MRTFA: variants seen among roughly 807,000 people sequenced by gnomAD.
MRTFA encodes myocardin-related transcription factor A.
MRTFA carries 20 observed loss-of-function variants against 83.5 expected under a neutral mutation model. The observed-to-expected ratio is 0.24, with a 90% CI of 0.17 to 0.35. MRTFA has a LOEUF of 0.35. Among genes scored for constraint, MRTFA ranks in the 10% least tolerant of loss-of-function variants. The pLI is 1.00. For missense variants in MRTFA, 1,200 were observed against 1,224.7 expected, an observed-to-expected ratio of 0.98 and a Z score of 0.30; for synonymous variants, 659 against 541.2, an observed-to-expected ratio of 1.22 and a Z score of -3.02.
intron 3 of MRTFA, among the ~76,000 whole-genome samples, chr22:40,474,272 G>A (rs1418987997): frequency 6.6e-6 from 1 of 152,072 alleles, no homozygotes; most frequent in Non-Finnish European, 1.5e-5. Context: ...TTCAAGTTGT[G>A]ATCAATATTT....
At chr22:40,469,947 G>A (rs1240130177) in intron 3 of MRTFA, among the ~76,000 whole-genome samples, 1 of 151,740 alleles carries the variant, frequency 6.6e-6, no homozygotes, top group Non-Finnish European at 1.5e-5. Context: ...TATATGGCTG[G>A]GCACAGTGGC....
At chr22:40,561,251 G>A (rs901781859) in intron 2 of MRTFA, among the ~76,000 whole-genome samples, 1 of 151,322 alleles carries the variant, frequency 6.6e-6, no homozygotes, top group African/African-American at 2.4e-5. Context: ...CTGGTATGAA[G>A]GAATTCAAAT....
chr22:40,419,973 G>C (rs145119251), intron 11 of MRTFA, among the ~76,000 whole-genome samples: 1 of 152,322 alleles, frequency 6.6e-6, no homozygotes, highest in Non-Finnish European at 1.5e-5. Flanking sequence ...GGAAAATGCG[G>C]GCAGGGTTGC....
chr22:40,517,267 T>C (rs1374397674), intron 3 of MRTFA, among the ~76,000 whole-genome samples: 5 of 152,210 alleles, frequency 3.3e-5, no homozygotes, highest in Admixed American at 2.6e-4. Flanking sequence ...GGAGGTTTTT[T>C]TGTTTTTTAC....
intron 2 of MRTFA, among the ~76,000 whole-genome samples, chr22:40,562,520 G>A (rs1386813573): frequency 1.6e-5 from 2 of 127,932 alleles, no homozygotes; most frequent in Non-Finnish European, 3.3e-5. Context: ...CAGCAGAAAA[G>A]AAAGAAAGAA....
chr22:40,582,585 A>C (rs967162216), intron 2 of MRTFA, among the ~76,000 whole-genome samples: 2 of 151,932 alleles, frequency 1.3e-5, no homozygotes, highest in Admixed American at 1.3e-4. Context: ...ATTTGCTCTT[A>C]TTCATAGTCT....
chr22:40,479,207 C>CT (rs1015185239), intron 3 of MRTFA, among the ~76,000 whole-genome samples: 2 of 152,148 alleles, frequency 1.3e-5, no homozygotes, highest in Non-Finnish European at 2.9e-5. Flanking sequence ...TCCACCTTCC[C>CT]TTCTCTGCCA....
chr22:40,596,611 G>A (rs1014665814), intron 1 of MRTFA, among the ~76,000 whole-genome samples: 6 of 152,158 alleles, frequency 3.9e-5, no homozygotes, highest in Non-Finnish European at 8.8e-5. Context: ...AGAACAGCCT[G>A]GCCAACATGG....
intron 14 of MRTFA, among the ~76,000 whole-genome samples, chr22:40,413,550 G>C (rs1048721846): frequency 5.3e-5 from 8 of 152,002 alleles, no homozygotes; most frequent in Non-Finnish European, 1.2e-4. Context: ...CTCGTGATCC[G>C]CCTGCCTTGG....
rs371073304 is a variant in MRTFA at position 40,463,128 on chromosome 22, T to C, written c.307+93A>G. The C allele has an allele frequency of 2.8e-5, 30 of 1,089,422 alleles. No homozygotes were observed. In the African/African-American group the frequency reaches 4.5e-4, roughly 16 times the overall value. 67.5% of individuals were successfully genotyped at this position (1,089,422 alleles called of 1,614,324 possible). On this transcript the variant is annotated intron_variant, in intron 4 of 14. Transcript: ENST00000355630. ...AGTGGAAAATAAAACGCATCATCCT[T>C]GTTTTATGTTAGATGCTTCCCATGG...
intron 1 of MRTFA, among the ~76,000 whole-genome samples, chr22:40,607,397 G>A (rs973602092): frequency 2.0e-5 from 3 of 152,016 alleles, no homozygotes; most frequent in Admixed American, 6.6e-5. Context: ...CCAGCTACAC[G>A]GGAGGCTGAG....
intron 3 of MRTFA, among the ~76,000 whole-genome samples, chr22:40,532,784 G>A (rs2147278426): frequency 6.6e-6 from 1 of 152,320 alleles, no homozygotes; most frequent in South Asian, 2.1e-4. Flanking sequence ...TTGAGTGAAA[G>A]CCAGTGGATG....
Position 40,418,813 on chromosome 22 carries a change from C to A in MRTFA, c.1925G>T (p.Arg642Leu), listed in dbSNP as rs770900337. ...CCGCTCCACCAGCTGCTGCTTCTGCCGGAGCATGCGCGTCAGCGCCTCGAT... is the reference window on the plus strand; with the variant it reads ...CCGCTCCACCAGCTGCTGCTTCTGCAGGAGCATGCGCGTCAGCGCCTCGAT... Residue 642 changes from arginine (R) to leucine (L), a missense_variant, in exon 12 of 15, where the codon CGG becomes CTG. By Grantham distance (102) the Arg-to-Leu change is moderately radical. This residue lies in a region of MRTFA where 1,107 missense variants were observed against 1,041.8 expected (regional missense o/e 1.06). Transcript: ENST00000355630. The A allele has an allele frequency of 6.2e-7, 1 of 1,608,766 alleles. No individual in the cohort carries two copies. Among genetic ancestry groups the A allele is most frequent in the African/African-American group, 1.3e-5 (1 of 74,860 alleles).
At chr22:40,495,586 CTA>C (rs1251478195) in intron 3 of MRTFA, among the ~76,000 whole-genome samples, 2 of 149,152 alleles carry the variant, frequency 1.3e-5, no homozygotes, top group African/African-American at 5.0e-5. Context: ...TGGTGTAACA[CTA>C]TCTCTACTAA....
intron 3 of MRTFA, among the ~76,000 whole-genome samples, chr22:40,508,539 A>AAC (rs1569303343): frequency 2.0e-5 from 3 of 149,034 alleles, no homozygotes; most frequent in African/African-American, 7.6e-5. Flanking sequence ...AAAAAAAAAA[A>AAC]AGGATTCATT....
At chr22:40,496,928 C>G (rs1036522012) in intron 3 of MRTFA, among the ~76,000 whole-genome samples, 1 of 152,150 alleles carries the variant, frequency 6.6e-6, no homozygotes, top group African/African-American at 2.4e-5. Context: ...TGTCCTCTAT[C>G]TCTAAAATGG....
rs764460675 is a variant in MRTFA at position 40,574,440 on chromosome 22, A to ATTATTAT, written c.-22+20233_-22+20234insATAATAA. On this transcript the variant is annotated intron_variant, in intron 2 of 14. Coordinates refer to ENST00000355630, the MANE Select transcript of MRTFA (RefSeq NM_020831.6). ...CACTGCATTAGTTATTATTATTATT[A>ATTATTAT]TTTTTTTTTTTTGAGATGGAGCCTT... Among the ~76,000 whole-genome samples, 1,134 of 147,764 alleles carry ATTATTAT rather than the reference A, an allele frequency of 7.7e-3. 7 individuals are homozygous for ATTATTAT. Among genetic ancestry groups the ATTATTAT allele is most frequent in the Middle Eastern group, 0.018 (5 of 284 alleles).
intron 3 of MRTFA, among the ~76,000 whole-genome samples, chr22:40,478,569 T>C (rs918837059): frequency 9.2e-5 from 14 of 152,190 alleles, no homozygotes; most frequent in Non-Finnish European, 1.8e-4. Flanking sequence ...CTCTTTCTTT[T>C]GCCTATGAAA....
At position 40,500,600 on chromosome 22, in the gene MRTFA, C is replaced by A. The variant is rs182367614; in HGVS notation, c.242-37314G>T. On this transcript the variant is annotated intron_variant, in intron 3 of 14. Transcript: ENST00000355630. Reference sequence around the variant, plus strand: ...ATTAGGGATTGGTGGTGACTCTTAACGAGCATGCTGCCTTCAAGCATCTGT... The same window carrying A: ...ATTAGGGATTGGTGGTGACTCTTAAAGAGCATGCTGCCTTCAAGCATCTGT... Among the ~76,000 whole-genome samples the A allele has an allele frequency of 5.9e-4, 89 of 151,806 alleles. 2 individuals carry two copies. In the East Asian group the frequency reaches 0.015, roughly 25 times the overall value.
Sources: allele counts gnomAD v4.1 joint callset (sites outside exome capture counted in the v4.1 genomes callset), GRCh38; gene constraint gnomAD v4.1.1; regional missense constraint gnomAD v4.1.1; transcripts MANE v1.5; gene names NCBI Gene and HGNC (gene_info 2026-07-23, HGNC 2026-07-21).